SYT16: variants seen among roughly 807,000 people sequenced by gnomAD.
SYT16 encodes the protein synaptotagmin 16.
In SYT16, 42 loss-of-function variants were observed where a neutral mutation model predicts 61.4. The ratio of observed to expected loss-of-function variants is 0.68; its 90% CI spans 0.53 to 0.89. The LOEUF (loss-of-function observed/expected upper bound fraction) is 0.89, where lower values mean the gene tolerates loss of function less well. Among genes scored for constraint, SYT16 ranks in the 40% least tolerant of loss-of-function variants. The pLI, the probability that SYT16 is intolerant of heterozygous loss-of-function variation, is 0.00. For missense variants in SYT16, 804 were observed against 807.3 expected, an observed-to-expected ratio of 1.00 and a Z score of 0.05; for synonymous variants, 314 against 302.3, an observed-to-expected ratio of 1.04 and a Z score of -0.40.
intron 1 of SYT16, among the ~76,000 whole-genome samples, chr14:61,848,567 C>T (rs72716784): frequency 0.073 from 11,135 of 152,176 alleles, 515 homozygotes; most frequent in Non-Finnish European, 0.1. Flanking sequence ...CCACTGTAGC[C>T]GCTACCTGGG....
intron 3 of SYT16, among the ~76,000 whole-genome samples, chr14:62,005,310 C>T (rs1251291069): frequency 2.6e-5 from 4 of 152,038 alleles, no homozygotes; most frequent in Non-Finnish European, 5.9e-5. Flanking sequence ...TTGTTTTGGT[C>T]GGTGTACATT....
At chr14:62,049,575 T>C (rs1217254003) in intron 3 of SYT16, among the ~76,000 whole-genome samples, 1 of 152,352 alleles carries the variant, frequency 6.6e-6, no homozygotes, top group Admixed American at 6.5e-5. Context: ...CTAGCCTTGA[T>C]GGTCTTTACA....
At position 62,100,658 on chromosome 14, in the gene SYT16, A is replaced by C; in HGVS notation, c.1889A>C (p.Glu630Ala). The change falls in exon 8 of 8, where the codon GAA becomes GCA. Residue 630 changes from glutamate to alanine, a missense_variant. Physicochemically the swap from Glu to Ala is moderately radical, Grantham distance 107. Transcript: ENST00000683842. ...CAAGATCACTGGGAGGAGATGAAGG[A>C]AACCAAAGGCCAGCAGATCTGCAGA... ...EEQDHWEEMK[E>A]TKGQQICRWH... 1 of 1,613,856 alleles carries C rather than the reference A, an allele frequency of 6.2e-7. No homozygotes were observed. Among genetic ancestry groups the C allele is most frequent in the Non-Finnish European group, 8.5e-7 (1 of 1,179,814 alleles).
intron 1 of SYT16, among the ~76,000 whole-genome samples, chr14:61,917,949 T>C (rs1183844774): frequency 6.6e-6 from 1 of 152,170 alleles, no homozygotes; most frequent in Non-Finnish European, 1.5e-5. Flanking sequence ...TTAAATGCTT[T>C]CGTGCATGAA....
intron 1 of SYT16, among the ~76,000 whole-genome samples, chr14:61,864,452 C>T (rs1427638602): frequency 6.6e-6 from 1 of 152,270 alleles, no homozygotes; most frequent in Non-Finnish European, 1.5e-5. Context: ...TCGTGGGCTG[C>T]GGTGGGCTCC....
intron 2 of SYT16, among the ~76,000 whole-genome samples, chr14:61,979,469 A>T (rs911366374): frequency 6.6e-6 from 1 of 152,160 alleles, no homozygotes; most frequent in African/African-American, 2.4e-5. Context: ...CATCACCTGC[A>T]GGTCTGTGCA....
intron 1 of SYT16, among the ~76,000 whole-genome samples, chr14:61,903,069 T>C (rs954496507): frequency 5.9e-5 from 9 of 152,198 alleles, no homozygotes; most frequent in Admixed American, 3.9e-4. Flanking sequence ...CGGTATCTGC[T>C]TTTGTAGTCC....
chr14:62,051,018 G>A (rs1020813549), intron 3 of SYT16, among the ~76,000 whole-genome samples: 3 of 152,236 alleles, frequency 2.0e-5, no homozygotes, highest in Admixed American at 6.5e-5. Context: ...GGACATTTAC[G>A]TCTGTAGAGG....
intron 1 of SYT16, among the ~76,000 whole-genome samples, chr14:61,884,389 G>A (rs765176708): frequency 2.6e-5 from 4 of 152,146 alleles, no homozygotes; most frequent in Non-Finnish European, 5.9e-5. Flanking sequence ...TTATTACGTC[G>A]CCTCCTTTCT....
intron 1 of SYT16, among the ~76,000 whole-genome samples, chr14:61,910,297 G>GGCAT (rs748500960): frequency 9.6e-4 from 146 of 152,050 alleles, no homozygotes; most frequent in Admixed American, 3.9e-3. Flanking sequence ...AGAGTGCAAT[G>GGCAT]GCATGATCTC....
chr14:61,974,201 G>A (rs1051119361), intron 2 of SYT16, among the ~76,000 whole-genome samples: 14 of 152,206 alleles, frequency 9.2e-5, no homozygotes, highest in African/African-American at 3.4e-4. Context: ...AGCGGGGGCA[G>A]AGAAGATAGC....
At chr14:61,845,977 G>T (rs1296925226) in intron 1 of SYT16, among the ~76,000 whole-genome samples, 4 of 152,092 alleles carry the variant, frequency 2.6e-5, no homozygotes, top group African/African-American at 9.7e-5. Context: ...CCATGTATTT[G>T]TATCGTTTCC....
intron 1 of SYT16, among the ~76,000 whole-genome samples, chr14:61,897,994 C>T (rs551867043): frequency 6.6e-6 from 1 of 152,222 alleles, no homozygotes; most frequent in African/African-American, 2.4e-5. Context: ...ACACCTGAAC[C>T]CAAGTTCCAA....
At chr14:61,902,881 G>A (rs1490061686) in intron 1 of SYT16, among the ~76,000 whole-genome samples, 7 of 152,110 alleles carry the variant, frequency 4.6e-5, no homozygotes, top group Admixed American at 4.6e-4. Context: ...ACTACCACGA[G>A]AACAGTATGG....
At chr14:62,060,749 T>C (rs1379953995) in intron 3 of SYT16, among the ~76,000 whole-genome samples, 1 of 152,046 alleles carries the variant, frequency 6.6e-6, no homozygotes, top group Admixed American at 6.5e-5. Flanking sequence ...TTTTTATGAC[T>C]ATAATCATAA....
At chr14:62,052,333 A>C (rs11851808) in intron 3 of SYT16, among the ~76,000 whole-genome samples, 58,307 of 152,018 alleles carry the variant, frequency 0.38, 15,295 homozygotes, top group African/African-American at 0.75. Context: ...TTGACCCATC[A>C]ATTATTTAAA....
chr14:61,836,275 G>C (rs2046126787), intron 1 of SYT16, among the ~76,000 whole-genome samples: 1 of 152,132 alleles, frequency 6.6e-6, no homozygotes, highest in Non-Finnish European at 1.5e-5. Flanking sequence ...ACCTGCGTGT[G>C]TTTATTGCTC....
intron 1 of SYT16, among the ~76,000 whole-genome samples, chr14:61,827,609 T>C (rs1051016113): frequency 6.6e-6 from 1 of 152,216 alleles, no homozygotes; most frequent in South Asian, 2.1e-4. Context: ...CAAAGGTACA[T>C]TGCTGGGACA....
intron 1 of SYT16, among the ~76,000 whole-genome samples, chr14:61,950,977 G>T (rs529916581): frequency 2.0e-5 from 3 of 152,152 alleles, no homozygotes; most frequent in Non-Finnish European, 4.4e-5. Context: ...AAAGGATGCC[G>T]ATTTTATTTG....
Sources: allele counts gnomAD v4.1 joint callset (sites outside exome capture counted in the v4.1 genomes callset), GRCh38; gene constraint gnomAD v4.1.1; transcripts MANE v1.5; gene names NCBI Gene and HGNC (gene_info 2026-07-23, HGNC 2026-07-21).